NFATC3: variants seen among roughly 807,000 people sequenced by gnomAD.
NFATC3 encodes the protein nuclear factor of activated T-cells, cytoplasmic 3.
NFATC3 carries 46 observed loss-of-function variants against 98.6 expected under a neutral mutation model. That is an observed-to-expected ratio of 0.47 (90% CI 0.37 to 0.60). The LOEUF is 0.60. Ranked by LOEUF, NFATC3 falls within the 20% of genes least tolerant of loss-of-function variation. The pLI, the probability that NFATC3 is intolerant of heterozygous loss-of-function variation, is 0.00. For missense variants in NFATC3, 1,256 were observed against 1,295.5 expected (o/e 0.97, Z 0.47); for synonymous variants, 512 against 472.2 (o/e 1.08, Z -1.09).
At chr16:68,222,456 GC>G (rs1199948137) in intron 9 of NFATC3, among the ~76,000 whole-genome samples, 2 of 152,038 alleles carry the variant, frequency 1.3e-5, no homozygotes, top group Admixed American at 6.6e-5. Flanking sequence ...TTTCATAGCA[GC>G]CTGGAACATC....
intron 1 of NFATC3, among the ~76,000 whole-genome samples, chr16:68,087,416 T>G (rs1333515410): frequency 6.6e-6 from 1 of 152,208 alleles, no homozygotes; most frequent in Non-Finnish European, 1.5e-5. Context: ...ATTTTGATAT[T>G]AAAATAGGTC....
At chr16:68,115,968 T>C (rs1344205441) in intron 1 of NFATC3, among the ~76,000 whole-genome samples, 2 of 152,174 alleles carry the variant, frequency 1.3e-5, no homozygotes, top group Non-Finnish European at 2.9e-5. Flanking sequence ...TATATACGTA[T>C]GCATTGCACT....
intron 1 of NFATC3, among the ~76,000 whole-genome samples, chr16:68,095,087 T>C (rs973521418): frequency 1.3e-5 from 2 of 151,994 alleles, no homozygotes; most frequent in Non-Finnish European, 2.9e-5. Flanking sequence ...GATAGAAGGA[T>C]AGAAAATCTG....
chr16:68,121,353 A>G (rs2036571189), intron 1 of NFATC3, among the ~76,000 whole-genome samples: 1 of 143,728 alleles, frequency 7.0e-6, no homozygotes, highest in African/African-American at 2.6e-5. Context: ...TATTTTTTAG[A>G]ATTATGGATG....
intron 9 of NFATC3, among the ~76,000 whole-genome samples, chr16:68,210,311 G>GA (rs568588083): frequency 3.7e-4 from 48 of 131,180 alleles, no homozygotes; most frequent in Admixed American, 2.0e-3. Context: ...AAAAAAAAAA[G>GA]AAAAAAAAAA....
intron 9 of NFATC3, among the ~76,000 whole-genome samples, chr16:68,194,274 A>C (rs1193894729): frequency 6.6e-6 from 1 of 152,146 alleles, no homozygotes; most frequent in Admixed American, 6.5e-5. Context: ...GAATCCCTCA[A>C]GGTTTTTCTA....
chr16:68,126,738 G>C (rs1234790160), intron 3 of NFATC3, 128 bp downstream of exon 3: 1 of 829,564 alleles, frequency 1.2e-6, no homozygotes, highest in Non-Finnish European at 1.8e-6. Context: ...TGTTGTTTTG[G>C]GGGCTTGTTG....
chr16:68,146,346 C>G (rs545330876), intron 3 of NFATC3, among the ~76,000 whole-genome samples: 2 of 151,704 alleles, frequency 1.3e-5, no homozygotes, highest in Non-Finnish European at 2.9e-5. Flanking sequence ...GCAAGAGGAT[C>G]ACTGCTTGAG....
chr16:68,106,507 G>C (rs1243347226), intron 1 of NFATC3, among the ~76,000 whole-genome samples: 1 of 151,780 alleles, frequency 6.6e-6, no homozygotes, highest in Non-Finnish European at 1.5e-5. Flanking sequence ...GTCCAGGCTG[G>C]TCTCAAACTC....
At chr16:68,163,768 G>A (rs1265261016) in intron 4 of NFATC3, among the ~76,000 whole-genome samples, 7 of 151,350 alleles carry the variant, frequency 4.6e-5, no homozygotes, top group African/African-American at 7.3e-5. Context: ...CAGACGGGGC[G>A]GTGGGGCAGA....
intron 6 of NFATC3, among the ~76,000 whole-genome samples, chr16:68,178,362 C>A (rs1196561081): frequency 6.6e-6 from 1 of 152,124 alleles, no homozygotes; most frequent in East Asian, 1.9e-4. Flanking sequence ...AATTAACTTC[C>A]CTTCAACCCT....
At chr16:68,220,132 A>T (rs1350693731) in intron 9 of NFATC3, among the ~76,000 whole-genome samples, 3 of 152,222 alleles carry the variant, frequency 2.0e-5, no homozygotes, top group Non-Finnish European at 4.4e-5. Flanking sequence ...GGCTGCCAAA[A>T]GTGTGCCAGA....
At position 68,131,678 on chromosome 16, in the gene NFATC3, G is replaced by A. The variant is rs567607183; in HGVS notation, c.1401+5068G>A. Among the ~76,000 whole-genome samples the A allele has an allele frequency of 2.6e-5, 4 of 151,082 alleles. No homozygotes were observed. The East Asian group carries it at 7.8e-4, about 29-fold the overall frequency. ...TTTTTTTTTTTTTTAAGTAGAAACA[G>A]GGTCTCGCTATATTGCCCAGTTTGG... On this transcript the variant is annotated intron_variant, in intron 3 of 9. Transcript: ENST00000346183.
At chr16:68,179,207 A>G (rs543016347) in intron 6 of NFATC3, among the ~76,000 whole-genome samples, 12 of 152,218 alleles carry the variant, frequency 7.9e-5, no homozygotes, top group Admixed American at 7.2e-4. Context: ...CCCCTCCCCA[A>G]GATTAGGTTG....
At chr16:68,126,170 C>G (rs1334198124) in intron 2 of NFATC3, among the ~76,000 whole-genome samples, 1 of 152,166 alleles carries the variant, frequency 6.6e-6, no homozygotes, top group Non-Finnish European at 1.5e-5. Flanking sequence ...AGGCATGAGC[C>G]ACCGCACCTG....
intron 3 of NFATC3, among the ~76,000 whole-genome samples, chr16:68,137,765 C>T (rs1388033392): frequency 1.3e-5 from 2 of 151,972 alleles, no homozygotes; most frequent in African/African-American, 2.4e-5. Flanking sequence ...AGGTGCCCGC[C>T]ACCACGCCCA....
At chr16:68,155,361 T>G (rs533142393) in intron 3 of NFATC3, among the ~76,000 whole-genome samples, 7 of 152,286 alleles carry the variant, frequency 4.6e-5, no homozygotes, top group African/African-American at 1.7e-4. Flanking sequence ...GACTGAAGTA[T>G]TATCAGGAGA....
chr16:68,193,749 A>G (rs1345507566), intron 9 of NFATC3, among the ~76,000 whole-genome samples: 2 of 152,298 alleles, frequency 1.3e-5, no homozygotes, highest in Non-Finnish European at 1.5e-5. Context: ...TGTTTGGTTG[A>G]AAAAAGCTGT....
chr16:68,196,851 A>C (rs982453275), intron 9 of NFATC3, among the ~76,000 whole-genome samples: 2 of 151,932 alleles, frequency 1.3e-5, no homozygotes, highest in African/African-American at 4.8e-5. Flanking sequence ...ACCAACATGG[A>C]GAAACCCCGT....
Sources: allele counts gnomAD v4.1 joint callset (sites outside exome capture counted in the v4.1 genomes callset), GRCh38; gene constraint gnomAD v4.1.1; transcripts MANE v1.5; gene names NCBI Gene and HGNC (gene_info 2026-07-23, HGNC 2026-07-21).